EPN2: variants seen among roughly 807,000 people sequenced by gnomAD.
EPN2 encodes epsin 2.
A neutral mutation model predicts 61.7 loss-of-function variants in EPN2; 34 were observed. That is an observed-to-expected ratio of 0.55 (90% CI 0.42 to 0.73). The LOEUF is 0.73. Ranked by LOEUF, EPN2 falls within the 30% of genes least tolerant of loss-of-function variation. EPN2 has a pLI of 0.00. For synonymous variants in EPN2, 349 were observed against 353.6 expected (o/e 0.99, Z 0.15); for missense variants, 714 against 839.2 (o/e 0.85, Z 1.84).
chr17:19,256,633 C>T (rs921611712), intron 1 of EPN2, among the ~76,000 whole-genome samples: 5 of 152,066 alleles, frequency 3.3e-5, no homozygotes, highest in East Asian at 1.9e-4. Context: ...CAGTGGTTTT[C>T]GGCTGGTGGC....
Position 19,277,742 on chromosome 17 carries a change from C to T in EPN2, c.-293-4213C>T, listed in dbSNP as rs192264936. On this transcript the variant is annotated intron_variant, in intron 1 of 10. Coordinates refer to ENST00000314728, the MANE Select transcript of EPN2 (RefSeq NM_014964.5). Reference sequence around the variant, plus strand: ...TAATTAGTTTCAGCCTCCAAAGTCTCGCTTAGGTGAGGTGCGTAGTCCAGT... The same window carrying T: ...TAATTAGTTTCAGCCTCCAAAGTCTTGCTTAGGTGAGGTGCGTAGTCCAGT... Among the ~76,000 whole-genome samples, 20 of 152,240 alleles carry T rather than the reference C, an allele frequency of 1.3e-4. No homozygotes were observed. The East Asian group carries it at 3.3e-3, about 25-fold the overall frequency.
intron 1 of EPN2, among the ~76,000 whole-genome samples, chr17:19,279,313 C>T (rs912013805): frequency 1.3e-5 from 2 of 152,188 alleles, no homozygotes; most frequent in African/African-American, 2.4e-5. Context: ...CCTGGCTGGG[C>T]CTCACAGCCT....
At chr17:19,277,363 G>A (rs1481087873) in intron 1 of EPN2, among the ~76,000 whole-genome samples, 2 of 146,280 alleles carry the variant, frequency 1.4e-5, no homozygotes, top group Non-Finnish European at 1.5e-5. Flanking sequence ...ATTGCACCAC[G>A]GCACTCCAGC....
chr17:19,251,884 G>C (rs1487411320), intron 1 of EPN2, among the ~76,000 whole-genome samples: 1 of 151,966 alleles, frequency 6.6e-6, no homozygotes, highest in Non-Finnish European at 1.5e-5. Context: ...AGATATCTTG[G>C]GGATGGAACC....
chr17:19,258,182 G>A (rs1366828987), intron 1 of EPN2, among the ~76,000 whole-genome samples: 16 of 152,132 alleles, frequency 1.1e-4, no homozygotes, highest in Admixed American at 9.8e-4. Context: ...GAGACAGTGT[G>A]GAGGAGAAAA....
intron 4 of EPN2, chr17:19,307,975 AAAGT>A: frequency 1.0e-6 from 1 of 985,252 alleles, no homozygotes; most frequent in Non-Finnish European, 1.2e-6. Flanking sequence ...TTTAGATTGG[AAAGT>A]AAGGCAGAAG....
chr17:19,298,782 G>A (rs964583274), intron 4 of EPN2, among the ~76,000 whole-genome samples: 4 of 152,166 alleles, frequency 2.6e-5, no homozygotes, highest in East Asian at 1.9e-4. Flanking sequence ...TATTGTGTAC[G>A]TTACATATGC....
chr17:19,327,927 G>A (rs1906962998), intron 7 of EPN2, among the ~76,000 whole-genome samples: 1 of 152,204 alleles, frequency 6.6e-6, no homozygotes, highest in Non-Finnish European at 1.5e-5. Context: ...GGAAGGAGAT[G>A]TTGGTTTTAT....
At position 19,283,480 on chromosome 17, in the gene EPN2, A is replaced by C; in HGVS notation, c.361A>C (p.Ile121Leu). ...YIDRDGKDQG[I>L]NVREKSKQLV... ...TGACCGAGATGGCAAGGACCAGGGC[A>C]TCAATGTGCGTGAGAAGTCAAAGCA... The change falls in exon 3 of 11, where the codon ATC becomes CTC. Residue 121 changes from isoleucine (I) to leucine (L), a missense_variant. This residue lies in a region of EPN2 where 304 missense variants were observed against 417.4 expected (regional missense o/e 0.73). Transcript: ENST00000314728. This position sits in a 1 kb window ranked among gnomAD's most constrained non-coding sequence, Gnocchi z 7.0. 7 of 1,614,220 alleles carry C rather than the reference A, an allele frequency of 4.3e-6. No homozygotes were observed. Among genetic ancestry groups the C allele is most frequent in the Non-Finnish European group, 5.9e-6 (7 of 1,180,034 alleles).
At chr17:19,310,502 TTA>T (rs1328233640) in intron 5 of EPN2, among the ~76,000 whole-genome samples, 1 of 152,124 alleles carries the variant, frequency 6.6e-6, no homozygotes, top group African/African-American at 2.4e-5. Context: ...ATGTATAGTT[TTA>T]GTTTTTTTCA....
intron 7 of EPN2, among the ~76,000 whole-genome samples, chr17:19,326,867 T>A (rs1409261402): frequency 6.6e-6 from 1 of 151,880 alleles, no homozygotes; most frequent in African/African-American, 2.4e-5. Context: ...TAAGGGACGA[T>A]CGGTAAAAGA....
At chr17:19,269,307 G>C in intron 1 of EPN2, among the ~76,000 whole-genome samples, 1 of 152,188 alleles carries the variant, frequency 6.6e-6, no homozygotes, top group Non-Finnish European at 1.5e-5. Flanking sequence ...AGCAGAGGAG[G>C]AAAGAGGGAA....
At chr17:19,261,617 C>T (rs1360720117) in intron 1 of EPN2, among the ~76,000 whole-genome samples, 1 of 152,162 alleles carries the variant, frequency 6.6e-6, no homozygotes, top group Non-Finnish European at 1.5e-5. Context: ...GGGACAGAAC[C>T]ACACCTTTGG....
chr17:19,329,375 C>CACATCTGACGCTG, intron 8 of EPN2, 186 bp from the exon 9 acceptor site: 1 of 544,592 alleles, frequency 1.8e-6, no homozygotes, highest in Non-Finnish European at 3.2e-6. Flanking sequence ...TCCCTGTCTC[C>CACATCTGACGCTG]CCTCCCAGCG....
At chr17:19,277,788 T>C (rs2045321784) in intron 1 of EPN2, among the ~76,000 whole-genome samples, 1 of 152,130 alleles carries the variant, frequency 6.6e-6, no homozygotes, top group Admixed American at 6.5e-5. Flanking sequence ...AATGAAAAGC[T>C]TTGGCCGGGC....
intron 7 of EPN2, among the ~76,000 whole-genome samples, chr17:19,318,022 T>A (rs1906468676): frequency 6.6e-6 from 1 of 152,220 alleles, no homozygotes; most frequent in African/African-American, 2.4e-5. Context: ...TCTGGGGGGC[T>A]TTGCCCATTT....
chr17:19,316,215 T>A (rs1906378174), intron 7 of EPN2, among the ~76,000 whole-genome samples: 1 of 152,246 alleles, frequency 6.6e-6, no homozygotes, highest in Non-Finnish European at 1.5e-5. Context: ...AACCTGGATT[T>A]TTGAAATCTA....
intron 4 of EPN2, among the ~76,000 whole-genome samples, chr17:19,307,556 A>C (rs1349451630): frequency 6.6e-6 from 1 of 152,150 alleles, no homozygotes; most frequent in Admixed American, 6.5e-5. Flanking sequence ...TCGTAGCTAG[A>C]ATGGTCTCGA....
At chr17:19,279,272 C>T (rs1162804133) in intron 1 of EPN2, among the ~76,000 whole-genome samples, 1 of 152,084 alleles carries the variant, frequency 6.6e-6, no homozygotes, top group Admixed American at 6.5e-5. Context: ...CTTTTCTTTG[C>T]TGCCAAAGGT....
Sources: gnomAD v4.1 joint callset for allele counts (sites outside exome capture counted in the v4.1 genomes callset) on GRCh38, gnomAD v4.1.1 for gene constraint, gnomAD v4.1.1 regional missense constraint, Gnocchi (gnomAD v3.1) non-coding constraint, MANE v1.5 for transcripts, NCBI Gene and HGNC (gene_info 2026-07-23, HGNC 2026-07-21) for gene names.